The following WWP2 variants were observed in gnomAD, a reference collection of about 807,000 sequenced individuals.
WWP2 encodes WW domain containing E3 ubiquitin protein ligase 2.
Under a neutral mutation model 121.0 loss-of-function variants are expected in WWP2, and 57 were observed. That is an observed-to-expected ratio of 0.47 (90% CI 0.38 to 0.59). The LOEUF is 0.59. WWP2 is among the 20% of genes least tolerant of loss of function. WWP2 has a pLI of 0.00. For synonymous variants in WWP2, 449 were observed against 441.3 expected, an observed-to-expected ratio of 1.02 and a Z score of -0.22; for missense variants, 962 against 1,158.9, an observed-to-expected ratio of 0.83 and a Z score of 2.47.
intron 10 of WWP2, among the ~76,000 whole-genome samples, chr16:69,920,771 T>C (rs1157685311): frequency 1.3e-5 from 2 of 152,118 alleles, no homozygotes; most frequent in Non-Finnish European, 2.9e-5. Context: ...TGGATGACAG[T>C]AAGATCCTGT....
At chr16:69,915,582 G>A (rs2058467427) in intron 9 of WWP2, among the ~76,000 whole-genome samples, 2 of 152,160 alleles carry the variant, frequency 1.3e-5, no homozygotes, top group Admixed American at 6.6e-5. Context: ...CAATGAAATA[G>A]ACATGTTATT....
At chr16:69,835,466 T>TA (rs974532030) in intron 4 of WWP2, among the ~76,000 whole-genome samples, 2 of 152,174 alleles carry the variant, frequency 1.3e-5, no homozygotes, top group African/African-American at 2.4e-5. Context: ...CTTGCCAATT[T>TA]AAAAAAACCT....
intron 9 of WWP2, among the ~76,000 whole-genome samples, chr16:69,916,706 G>A (rs898693047): frequency 4.6e-5 from 7 of 152,106 alleles, no homozygotes; most frequent in Admixed American, 4.6e-4. Context: ...GAAAGGCCTG[G>A]GTGTGGGGAG....
intron 4 of WWP2, among the ~76,000 whole-genome samples, chr16:69,829,101 C>A (rs1238886777): frequency 6.6e-6 from 1 of 152,180 alleles, no homozygotes; most frequent in Non-Finnish European, 1.5e-5. Context: ...CGATACCCGA[C>A]CCCTCTTGCC....
At chr16:69,809,002 C>T (rs142937445) in intron 4 of WWP2, among the ~76,000 whole-genome samples, 2 of 152,116 alleles carry the variant, frequency 1.3e-5, no homozygotes, top group East Asian at 1.9e-4. Flanking sequence ...GTGCTCTGAT[C>T]GTTTGTAATT....
intron 6 of WWP2, among the ~76,000 whole-genome samples, chr16:69,843,198 A>G (rs1339404305): frequency 2.6e-5 from 4 of 152,138 alleles, no homozygotes; most frequent in African/African-American, 9.7e-5. Context: ...TCTGTCATGC[A>G]TTCTGCTTTG....
At chr16:69,929,703 G>A (rs543517348) in intron 12 of WWP2, among the ~76,000 whole-genome samples, 174 bp downstream of exon 12, 1 of 152,246 alleles carries the variant, frequency 6.6e-6, no homozygotes, top group South Asian at 2.1e-4. Flanking sequence ...CCTGATGAGA[G>A]CTTAAAAGGG....
intron 4 of WWP2, among the ~76,000 whole-genome samples, chr16:69,801,182 T>TA (rs376524877): frequency 0.049 from 5,943 of 122,486 alleles, 157 homozygotes; most frequent in South Asian, 0.079. Flanking sequence ...GAGCAAGTCT[T>TA]AAAAAAAAAA....
chr16:69,871,707 A>T, intron 6 of WWP2, 97 bp from the exon 7 acceptor site: 1 of 1,535,778 alleles, frequency 6.5e-7, no homozygotes, highest in Non-Finnish European at 8.8e-7. Flanking sequence ...GTTTCCAATA[A>T]ATGGCAGGAG....
chr16:69,846,730 A>G (rs1022668561), intron 6 of WWP2, among the ~76,000 whole-genome samples: 6 of 151,906 alleles, frequency 3.9e-5, no homozygotes, highest in East Asian at 1.9e-4. Context: ...AAGAAAAAAA[A>G]AAAAAGAAAA....
chr16:69,867,576 G>C (rs901344806), intron 6 of WWP2, among the ~76,000 whole-genome samples: 2 of 152,222 alleles, frequency 1.3e-5, no homozygotes, highest in African/African-American at 4.8e-5. Context: ...TCAGTGAGCA[G>C]CTCTGTCCTG....
At chr16:69,919,863 G>T (rs1751387249) in intron 10 of WWP2, among the ~76,000 whole-genome samples, 1 of 150,626 alleles carries the variant, frequency 6.6e-6, no homozygotes, top group Admixed American at 6.6e-5. Flanking sequence ...CATGATCATG[G>T]CTTATTGCAG....
At chr16:69,868,661 GCACA>G (rs57674223) in intron 6 of WWP2, among the ~76,000 whole-genome samples, 8,337 of 149,260 alleles carry the variant, frequency 0.056, 728 homozygotes, top group African/African-American at 0.19. Flanking sequence ...ATACACATGT[GCACA>G]CACACACACA....
At chr16:69,857,048 C>A (rs1442799984) in intron 6 of WWP2, among the ~76,000 whole-genome samples, 1 of 152,104 alleles carries the variant, frequency 6.6e-6, no homozygotes, top group East Asian at 1.9e-4. Flanking sequence ...TTTTCTTCCT[C>A]TTGTTAATTT....
At chr16:69,826,626 TC>T (rs2056697945) in intron 4 of WWP2, among the ~76,000 whole-genome samples, 1 of 133,038 alleles carries the variant, frequency 7.5e-6, no homozygotes, top group Non-Finnish European at 1.6e-5. Context: ...AGGCCTGTAA[TC>T]CCAGCACTTT....
In WWP2 at chr16:69,820,546, CT is replaced by C. The variant is rs376291756; in HGVS notation, c.341-19579del. On this transcript the variant is annotated intron_variant, in intron 4 of 23. Transcript: ENST00000359154. ...GGCGTGAGCCACCGCTCTTGGCCCC[CT>C]GTCTCTTAAAAAAAAAAAAAAATAG... Among the ~76,000 whole-genome samples, 310 of 128,802 alleles carry C rather than the reference CT, an allele frequency of 2.4e-3. 31 individuals are homozygous for C. The highest frequency in any genetic ancestry group is 7.2e-3 in the African/African-American group (284 of 39,322). The allele number at this position is 128,802 out of a possible 152,430, so 84.5% of individuals were successfully genotyped here. A position where few individuals can be genotyped will look rare whatever the true frequency, so the allele number is the denominator to read the frequency against.
chr16:69,872,673 C>G (rs567728569), intron 7 of WWP2, among the ~76,000 whole-genome samples: 1 of 152,308 alleles, frequency 6.6e-6, no homozygotes, highest in African/African-American at 2.4e-5. Context: ...GATGGCACCA[C>G]TGGTGAATGG....
At chr16:69,888,604 C>T (rs536236683) in intron 8 of WWP2, among the ~76,000 whole-genome samples, 46 of 152,236 alleles carry the variant, frequency 3.0e-4, no homozygotes, top group Admixed American at 2.0e-3. Context: ...TGAATTTTAT[C>T]GTATCAGCCC....
rs76195560 is a variant in WWP2 at position 69,875,755 on chromosome 16, T to C, written c.703+3824T>C. On this transcript the variant is annotated intron_variant, in intron 7 of 23. Coordinates refer to ENST00000359154, the MANE Select transcript of WWP2 (RefSeq NM_001270454.2). ...TTAGTCACATATTCAGGCCTACTTCTTATTCTAGCTCTCTTGCTATTTCCA... is the reference window on the plus strand; with the variant it reads ...TTAGTCACATATTCAGGCCTACTTCCTATTCTAGCTCTCTTGCTATTTCCA... Among the ~76,000 whole-genome samples, 770 of 152,292 alleles carry C rather than the reference T, an allele frequency of 5.1e-3. 9 individuals carry two copies. The highest frequency in any genetic ancestry group is 0.018 in the African/African-American group (728 of 41,554).
Sources: gnomAD v4.1 joint callset for allele counts (sites outside exome capture counted in the v4.1 genomes callset) on GRCh38, gnomAD v4.1.1 for gene constraint, MANE v1.5 for transcripts, NCBI Gene and HGNC (gene_info 2026-07-23, HGNC 2026-07-21) for gene names.